TDP1: variants seen among roughly 807,000 people sequenced by gnomAD.
The protein encoded by TDP1 is tyrosyl-DNA phosphodiesterase 1.
A neutral mutation model predicts 81.5 loss-of-function variants in TDP1; 64 were observed. The observed-to-expected ratio is 0.79, with a 90% CI of 0.64 to 0.97. The LOEUF (loss-of-function observed/expected upper bound fraction) is 0.97. Among genes scored for constraint, TDP1 ranks in the 50% least tolerant of loss-of-function variants. TDP1 has a pLI of 0.00. For missense variants in TDP1, 723 were observed against 743.8 expected (o/e 0.97, Z 0.33); for synonymous variants, 256 against 264.3 (o/e 0.97, Z 0.30).
At chr14:90,007,626 AT>A (rs968825641) in intron 14 of TDP1, among the ~76,000 whole-genome samples, 22 of 147,258 alleles carry the variant, frequency 1.5e-4, no homozygotes, top group East Asian at 3.9e-4. Context: ...GCCAACTAAG[AT>A]TTTTTTTTTT....
chr14:89,989,616 A>G (rs1028304042), intron 11 of TDP1, 101 bp from the exon 12 acceptor site: 1 of 1,182,442 alleles, frequency 8.5e-7, no homozygotes, highest in South Asian at 1.4e-5. Context: ...TTCTAATTTA[A>G]AAGTATTTTT....
At chr14:89,973,492 A>C (rs976127096) in intron 6 of TDP1, among the ~76,000 whole-genome samples, 2 of 152,312 alleles carry the variant, frequency 1.3e-5, no homozygotes, top group East Asian at 1.9e-4. Flanking sequence ...CTCTAGGCTG[A>C]CGTACAGGAT....
intron 14 of TDP1, among the ~76,000 whole-genome samples, chr14:90,007,308 G>A (rs531189063): frequency 3.3e-5 from 5 of 152,228 alleles, no homozygotes; most frequent in South Asian, 2.1e-4. Context: ...GGCCGGACGC[G>A]GTGGCTCACA....
chr14:90,039,930 C>G (rs1002317385), intron 16 of TDP1, among the ~76,000 whole-genome samples: 2 of 152,088 alleles, frequency 1.3e-5, no homozygotes, highest in Admixed American at 6.6e-5. Flanking sequence ...TGGTCAAGGC[C>G]CCACTGGCAG....
chr14:90,025,096 G>C (rs904128867), intron 15 of TDP1, among the ~76,000 whole-genome samples: 1 of 152,182 alleles, frequency 6.6e-6, no homozygotes. Flanking sequence ...GCTGTGTTCT[G>C]AGGGGCTCAT....
chr14:90,025,212 C>G (rs959664478), intron 15 of TDP1, among the ~76,000 whole-genome samples: 1 of 152,062 alleles, frequency 6.6e-6, no homozygotes, highest in South Asian at 2.1e-4. Context: ...CTCTACTTCC[C>G]CACAGCCATG....
At chr14:89,966,415 T>C (rs1596507100) in intron 4 of TDP1, among the ~76,000 whole-genome samples, 1 of 152,162 alleles carries the variant, frequency 6.6e-6, no homozygotes, top group East Asian at 1.9e-4. Flanking sequence ...CAAGTCAGCC[T>C]CCGCTGGCCA....
intron 14 of TDP1, among the ~76,000 whole-genome samples, chr14:90,006,376 C>A (rs1201026535): frequency 6.6e-6 from 1 of 152,142 alleles, no homozygotes; most frequent in East Asian, 1.9e-4. Context: ...TCCCAAGATT[C>A]TTCAACATCT....
chr14:90,006,132 G>A (rs971388866), intron 14 of TDP1, among the ~76,000 whole-genome samples: 1 of 152,180 alleles, frequency 6.6e-6, no homozygotes, highest in Non-Finnish European at 1.5e-5. Context: ...GAGGTTGCAA[G>A]TAGATTTGTC....
intron 14 of TDP1, among the ~76,000 whole-genome samples, chr14:90,007,399 G>A (rs1884157175): frequency 6.6e-6 from 1 of 152,024 alleles, no homozygotes; most frequent in Admixed American, 6.6e-5. Context: ...GACCAGCCTG[G>A]GCAACATGGT....
chr14:89,981,667 G>A, intron 8 of TDP1: 1 of 310,574 alleles, frequency 3.2e-6, no homozygotes, highest in South Asian at 2.7e-5. Flanking sequence ...GCTAAGCTCT[G>A]CTGAGCCCAG....
At chr14:90,007,780 T>A (rs1359513177) in intron 14 of TDP1, among the ~76,000 whole-genome samples, 1 of 152,072 alleles carries the variant, frequency 6.6e-6, no homozygotes, top group Non-Finnish European at 1.5e-5. Flanking sequence ...TTTTTTATTT[T>A]TTTTTAGAGA....
At chr14:90,005,193 T>C (rs137963250) in intron 14 of TDP1, among the ~76,000 whole-genome samples, 21 of 152,278 alleles carry the variant, frequency 1.4e-4, no homozygotes, top group African/African-American at 4.3e-4. Flanking sequence ...TGTTTCTGCT[T>C]TCTAGGCCCA....
At chr14:90,008,708 T>C (rs1450296836) in intron 14 of TDP1, among the ~76,000 whole-genome samples, 1 of 152,208 alleles carries the variant, frequency 6.6e-6, no homozygotes, top group African/African-American at 2.4e-5. Context: ...GTTGTTTACT[T>C]TGAAATCTTT....
intron 2 of TDP1, among the ~76,000 whole-genome samples, chr14:89,959,194 C>G (rs1373564713): frequency 1.3e-5 from 2 of 152,210 alleles, no homozygotes; most frequent in African/African-American, 4.8e-5. Flanking sequence ...TATTCTGATT[C>G]TTTCAGTACC....
At chr14:90,029,419 G>A (rs1241609596) in intron 15 of TDP1, among the ~76,000 whole-genome samples, 9 of 151,102 alleles carry the variant, frequency 6.0e-5, no homozygotes, top group South Asian at 4.2e-4. Context: ...GGCTGGTCTC[G>A]AACTCCTGAC....
chr14:90,001,716 T>C (rs545077157), intron 14 of TDP1, among the ~76,000 whole-genome samples: 5 of 152,226 alleles, frequency 3.3e-5, no homozygotes, highest in Non-Finnish European at 7.3e-5. Context: ...AACTATACTT[T>C]TCTTTCAACT....
chr14:90,008,869 T>C (rs988272021), intron 14 of TDP1, among the ~76,000 whole-genome samples: 6 of 152,194 alleles, frequency 3.9e-5, no homozygotes, highest in African/African-American at 1.2e-4. Context: ...CCACCCTGCC[T>C]GGCTAATTTT....
chr14:89,989,162 CTTTG>C, intron 11 of TDP1, 72 bp downstream of exon 11: 1 of 1,124,838 alleles, frequency 8.9e-7, no homozygotes, highest in Non-Finnish European at 1.2e-6. Flanking sequence ...AATTGGTCCT[CTTTG>C]TAATGGAGAG....
Sources: gnomAD v4.1 joint callset for allele counts (sites outside exome capture counted in the v4.1 genomes callset) on GRCh38, gnomAD v4.1.1 for gene constraint, MANE v1.5 for transcripts, NCBI Gene and HGNC (gene_info 2026-07-23, HGNC 2026-07-21) for gene names.